The following CWC22 variants were observed in gnomAD, a reference collection of about 807,000 sequenced individuals.
CWC22 encodes the protein CWC22 spliceosome associated protein.
CWC22 carries 53 observed loss-of-function variants against 117.2 expected under a neutral mutation model. The ratio of observed to expected loss-of-function variants is 0.45; its 90% CI spans 0.36 to 0.57. CWC22 has a LOEUF of 0.57. Ranked by LOEUF, CWC22 falls within the 20% of genes least tolerant of loss-of-function variation. The probability of loss-of-function intolerance (pLI) is 0.00; values close to 1 mark genes in which losing one functional copy is unlikely to be tolerated. For missense variants in CWC22, 980 were observed against 1,068.8 expected (o/e 0.92, Z 1.16); for synonymous variants, 360 against 355.6 (o/e 1.01, Z -0.14).
intron 1 of CWC22, among the ~76,000 whole-genome samples, chr2:179,999,826 C>A (rs1047519401): frequency 2.0e-5 from 3 of 152,016 alleles, no homozygotes; most frequent in East Asian, 3.9e-4. Flanking sequence ...AAACAAAAAC[C>A]AAAACAAAAA....
At chr2:179,988,101 C>G (rs907686423) in intron 3 of CWC22, among the ~76,000 whole-genome samples, 1 of 152,202 alleles carries the variant, frequency 6.6e-6, no homozygotes, top group Non-Finnish European at 1.5e-5. Context: ...AGGTGATCTG[C>G]CAGGAGGTGG....
At chr2:179,974,253 G>A (rs180932184) in intron 6 of CWC22, among the ~76,000 whole-genome samples, 21 of 152,162 alleles carry the variant, frequency 1.4e-4, no homozygotes, top group Admixed American at 1.2e-3. Flanking sequence ...GACAAATTTG[G>A]GTTTAAATCT....
At chr2:179,953,848 T>C (rs1003712844) in intron 16 of CWC22, among the ~76,000 whole-genome samples, 9 of 152,096 alleles carry the variant, frequency 5.9e-5, no homozygotes, top group African/African-American at 7.2e-5. Flanking sequence ...GGAGAGTAAT[T>C]CAGAGACACA....
At chr2:179,946,466 G>GAAAA (rs1559282496) in intron 19 of CWC22, among the ~76,000 whole-genome samples, 6 of 100,262 alleles carry the variant, frequency 6.0e-5, no homozygotes, top group African/African-American at 2.0e-4. Flanking sequence ...AAAAAAAAAG[G>GAAAA]GGGGGGGGGA....
In CWC22 at chr2:179,970,740, T is replaced by A; in HGVS notation, c.1057A>T (p.Ile353Phe). The A allele has an allele frequency of 1.2e-6, 2 of 1,613,738 alleles. No homozygotes were observed. Among genetic ancestry groups the A allele is most frequent in the South Asian group, 2.2e-5 (2 of 91,074 alleles). The change falls in exon 10 of 20, where the codon ATC becomes TTC. Residue 353 changes from isoleucine (I) to phenylalanine (F), a missense_variant. Ile to Phe is a conservative substitution (Grantham distance 21). Around this residue, in one of 3 missense-constraint regions of CWC22, gnomAD observed 559 missense variants for 602.3 expected, o/e 0.93. Coordinates refer to ENST00000410053, the MANE Select transcript of CWC22 (RefSeq NM_020943.3). ...TCCACCAAATCAAGACCTTCTAGGA[T>A]AATGGGGTGGTCCTTGAATCCATCT... is the stretch of plus-strand genomic sequence containing the variant. ...RKDGFKDHPI[I>F]LEGLDLVEED...
In CWC22 at chr2:179,997,322, T is replaced by TA. The variant is rs955970190; in HGVS notation, c.-113-3869dup. On this transcript the variant is annotated intron_variant, in intron 1 of 19. Transcript: ENST00000410053. ...ATATACTGTTCCTTAGAGTAATGACTAAAAAAAAAAAGTACAAAATGTAGC... is the reference window on the plus strand; with the variant it reads ...ATATACTGTTCCTTAGAGTAATGACTAAAAAAAAAAAAGTACAAAATGTAGC... 9.0e-4 allele frequency among the ~76,000 whole-genome samples: 129 copies of TA among 142,556 alleles called. 1 individual carries two copies. The South Asian group carries it at 0.02, about 22-fold the overall frequency. 93.5% of individuals were successfully genotyped at this position (142,556 alleles called of 152,430 possible). A position where few individuals can be genotyped will look rare whatever the true frequency, so the allele number is the denominator to read the frequency against.
Position 179,945,158 on chromosome 2 carries a change from T to G in CWC22, c.2698A>C (p.Arg900=), listed in dbSNP as rs1210042918. 3 of 1,602,838 alleles carry G rather than the reference T, an allele frequency of 1.9e-6. No homozygotes were observed. The highest frequency in any genetic ancestry group is 1.7e-4 in the Middle Eastern group (1 of 6,024). Residue 900 remains arginine, a synonymous_variant, in exon 20 of 20, where the codon AGA becomes CGA. Transcript: ENST00000410053. ...TTTTGTTTTGCTGGAGACTTTTCTC[T>G]TCGCCGGTCCTGATTTTTCTTTGAT... ...RESKKNQDRR[R]EKSPAKQK
At chr2:180,004,002 A>T (rs1434308599) in intron 1 of CWC22, among the ~76,000 whole-genome samples, 1 of 152,218 alleles carries the variant, frequency 6.6e-6, no homozygotes, top group African/African-American at 2.4e-5. Context: ...TAAGTCTGGG[A>T]GTTTGCTGAA....
chr2:179,954,702 C>T (rs1025718354), intron 15 of CWC22, among the ~76,000 whole-genome samples: 4 of 151,760 alleles, frequency 2.6e-5, no homozygotes, highest in African/African-American at 9.7e-5. Flanking sequence ...ATTTACTTGT[C>T]GTCTATTGGG....
At position 179,964,561 on chromosome 2, in the gene CWC22, A is replaced by G; in HGVS notation, c.1383T>C (p.Leu461=). 1 of 1,562,776 alleles carries G rather than the reference A, an allele frequency of 6.4e-7. No individual in the cohort carries two copies. Among genetic ancestry groups the G allele is most frequent in the Non-Finnish European group, 8.7e-7 (1 of 1,147,730 alleles). Reference sequence around the variant, plus strand: ...TGATGCCTTACCTTGACTGAATAGCAAGATAAATTGTACGACGAAATGAGA... The same window carrying G: ...TGATGCCTTACCTTGACTGAATAGCGAGATAAATTGTACGACGAAATGAGA... ...NLVSFRRTIY[L]AIQSSLDFEE... Residue 461 remains leucine, a synonymous_variant, in exon 13 of 20, where the codon CTT becomes CTC. Coordinates refer to ENST00000410053, the MANE Select transcript of CWC22 (RefSeq NM_020943.3).
At chr2:179,992,149 T>A (rs78440168) in intron 2 of CWC22, among the ~76,000 whole-genome samples, 4,668 of 152,250 alleles carry the variant, frequency 0.031, 140 homozygotes, top group East Asian at 0.16. Context: ...CCTACATTTA[T>A]AATCAAATAA....
intron 4 of CWC22, among the ~76,000 whole-genome samples, chr2:179,986,067 G>A (rs1473204858): frequency 6.6e-6 from 1 of 151,980 alleles, no homozygotes; most frequent in African/African-American, 2.4e-5. Context: ...ATTACCCCTA[G>A]GAGTCTCCAA....
chr2:179,979,521 T>C (rs1017377572), intron 5 of CWC22, among the ~76,000 whole-genome samples: 1 of 152,156 alleles, frequency 6.6e-6, no homozygotes, highest in East Asian at 1.9e-4. Flanking sequence ...GAGGGGCTTG[T>C]AGGTTAAGAA....
Position 179,963,107 on chromosome 2 carries a change from A to G in CWC22, c.1397+1440T>C, listed in dbSNP as rs76555474. ...TTTTCAAGTCCTTTGTGTGATTCAG[A>G]GATTATCAAGGTTACGTTTCTTTTA... On this transcript the variant is annotated intron_variant, in intron 13 of 19. Transcript: ENST00000410053. Among the ~76,000 whole-genome samples the G allele has an allele frequency of 1.2e-3, 184 of 152,074 alleles. 1 individual carries two copies. The highest frequency in any genetic ancestry group is 3.1e-3 in the East Asian group (16 of 5,178).
At chr2:179,969,141 A>C (rs374235814) in intron 11 of CWC22, among the ~76,000 whole-genome samples, 1 of 152,168 alleles carries the variant, frequency 6.6e-6, no homozygotes, top group East Asian at 1.9e-4. Flanking sequence ...GATGCTAAAG[A>C]AATGGATAGA....
chr2:179,945,633 A>G lies in CWC22; in HGVS notation c.2223T>C (p.Asp741=), dbSNP rs770505777. The part of the protein sequence containing the change: ...DKLIRNQQTN[D]RKQKERRQEH... Reference sequence around the variant, plus strand: ...CTTGTCTTCTTTCTTTTTGTTTCCTATCATTTGTTTGCTGGTTTCTGATCA... The same window carrying G: ...CTTGTCTTCTTTCTTTTTGTTTCCTGTCATTTGTTTGCTGGTTTCTGATCA... Residue 741 remains aspartate (D), a synonymous_variant, in exon 20 of 20, where the codon GAT becomes GAC. Transcript: ENST00000410053. The G allele has an allele frequency of 1.9e-6, 3 of 1,612,038 alleles. No homozygotes were observed. Among genetic ancestry groups the G allele is most frequent in the African/African-American group, 2.7e-5 (2 of 74,700 alleles).
intron 12 of CWC22, among the ~76,000 whole-genome samples, chr2:179,965,020 C>G (rs1686853417): frequency 6.6e-6 from 1 of 152,118 alleles, no homozygotes; most frequent in Non-Finnish European, 1.5e-5. Context: ...AACACTAGAT[C>G]ATCACGACAG....
intron 5 of CWC22, among the ~76,000 whole-genome samples, chr2:179,980,777 A>G (rs1325197276): frequency 2.0e-5 from 3 of 152,294 alleles, no homozygotes; most frequent in Middle Eastern, 3.4e-3. Context: ...AGATGTGGAA[A>G]TATTCCTGTC....
At chr2:180,004,181 T>C (rs748196783) in intron 1 of CWC22, among the ~76,000 whole-genome samples, 2 of 152,200 alleles carry the variant, frequency 1.3e-5, no homozygotes, top group Non-Finnish European at 2.9e-5. Flanking sequence ...GAACAAACCA[T>C]GACCAAGTTA....
Sources: gnomAD v4.1 joint callset for allele counts (sites outside exome capture counted in the v4.1 genomes callset) on GRCh38, gnomAD v4.1.1 for gene constraint, gnomAD v4.1.1 regional missense constraint, MANE v1.5 for transcripts, NCBI Gene and HGNC (gene_info 2026-07-23, HGNC 2026-07-21) for gene names.